KCNB2: variants seen among roughly 807,000 people sequenced by gnomAD.
The protein encoded by KCNB2 is potassium voltage-gated channel subfamily B member 2.
Under a neutral mutation model 61.5 loss-of-function variants are expected in KCNB2, and 15 were observed. The observed-to-expected ratio is 0.24, with a 90% CI of 0.16 to 0.38. The LOEUF is 0.38. Among genes scored for constraint, KCNB2 ranks in the 10% least tolerant of loss-of-function variants. The pLI, the probability that KCNB2 is intolerant of heterozygous loss-of-function variation, is 1.00. For missense variants in KCNB2, 828 were observed against 1,125.2 expected (o/e 0.74, Z 3.78); for synonymous variants, 457 against 446.0 (o/e 1.02, Z -0.31).
chr8:72,774,097 T>C (rs2128997385), intron 2 of KCNB2, among the ~76,000 whole-genome samples: 1 of 152,306 alleles, frequency 6.6e-6, no homozygotes, highest in African/African-American at 2.4e-5. Context: ...TTTGAGATTG[T>C]TACTGTTATT....
At chr8:72,546,807 T>C (rs765751261) in intron 1 of KCNB2, among the ~76,000 whole-genome samples, 25 of 152,242 alleles carry the variant, frequency 1.6e-4, no homozygotes, top group Non-Finnish European at 3.2e-4. Context: ...AATTTTTTTA[T>C]TGAAAATTTC....
chr8:72,752,596 C>A (rs1808210736), intron 2 of KCNB2, among the ~76,000 whole-genome samples: 1 of 152,218 alleles, frequency 6.6e-6, no homozygotes, highest in Admixed American at 6.5e-5. Context: ...TGGAAGTACA[C>A]CACCAGCTTT....
intron 2 of KCNB2, among the ~76,000 whole-genome samples, chr8:72,606,267 A>G (rs928287947): frequency 2.0e-5 from 3 of 152,174 alleles, no homozygotes; most frequent in African/African-American, 7.2e-5. Context: ...AAGCAATTAT[A>G]GAGGAATGAC....
At chr8:72,682,916 A>C (rs1033620769) in intron 2 of KCNB2, among the ~76,000 whole-genome samples, 2 of 152,176 alleles carry the variant, frequency 1.3e-5, no homozygotes, top group Non-Finnish European at 2.9e-5. Flanking sequence ...CTAAGGTTGA[A>C]TTCTAATTGT....
intron 2 of KCNB2, among the ~76,000 whole-genome samples, chr8:72,819,482 AT>A (rs1342121430): frequency 6.6e-6 from 1 of 152,208 alleles, no homozygotes. Context: ...AGCAAGTTGA[AT>A]AATCCTTCTG....
chr8:72,811,637 A>T (rs752881775), intron 2 of KCNB2, among the ~76,000 whole-genome samples: 1 of 152,106 alleles, frequency 6.6e-6, no homozygotes, highest in Non-Finnish European at 1.5e-5. Flanking sequence ...CCAGGTAAAC[A>T]TTTCCTTTTT....
rs1316128764 is a variant in KCNB2 at position 72,938,265 on chromosome 8, A to G, written c.*174A>G. ...GTTTAGCTTAAGTACTGTTTAAATA[A>G]TGAGTCAAGACTGCATTTTGTAACA... On this transcript the variant is annotated 3_prime_UTR_variant, in exon 3 of 3. Coordinates refer to ENST00000523207, the MANE Select transcript of KCNB2 (RefSeq NM_004770.3). 1.7e-6 allele frequency: 1 copy of G among 577,704 alleles called. No homozygotes were observed. Among genetic ancestry groups the G allele is most frequent in the Non-Finnish European group, 3.1e-6 (1 of 327,788 alleles). 35.8% of individuals were successfully genotyped at this position (577,704 alleles called of 1,614,324 possible).
chr8:72,819,243 C>T (rs1563394290), intron 2 of KCNB2, among the ~76,000 whole-genome samples: 1 of 152,220 alleles, frequency 6.6e-6, no homozygotes, highest in East Asian at 1.9e-4. Flanking sequence ...TACAGCACTA[C>T]CCAGTCACTA....
chr8:72,794,264 C>A (rs767077546), intron 2 of KCNB2, among the ~76,000 whole-genome samples: 1 of 151,972 alleles, frequency 6.6e-6, no homozygotes, highest in Non-Finnish European at 1.5e-5. Context: ...ATGACTTCTA[C>A]GGTTAAGGTT....
chr8:72,739,407 T>A (rs886117087), intron 2 of KCNB2, among the ~76,000 whole-genome samples: 3 of 152,108 alleles, frequency 2.0e-5, no homozygotes. Flanking sequence ...AGTTTTTCAA[T>A]ACTTTGTGAA....
intron 2 of KCNB2, among the ~76,000 whole-genome samples, chr8:72,671,131 G>T (rs12678807): frequency 0.12 from 17,704 of 152,086 alleles, 1,504 homozygotes; most frequent in East Asian, 0.51. Context: ...CAGGGATGGA[G>T]GTTGAGTTTT....
intron 2 of KCNB2, among the ~76,000 whole-genome samples, chr8:72,725,533 A>ATATATG (rs1563571854): frequency 7.8e-4 from 18 of 23,130 alleles, no homozygotes; most frequent in African/African-American, 2.6e-3. Context: ...ATATATATAT[A>ATATATG]TATATATGTG....
At chr8:72,787,080 C>G (rs1377465313) in intron 2 of KCNB2, among the ~76,000 whole-genome samples, 2 of 152,158 alleles carry the variant, frequency 1.3e-5, no homozygotes, top group African/African-American at 4.8e-5. Context: ...AATGAGTCTA[C>G]CTTTCCCCTG....
At chr8:72,825,003 T>C (rs1227588330) in intron 2 of KCNB2, among the ~76,000 whole-genome samples, 1 of 152,206 alleles carries the variant, frequency 6.6e-6, no homozygotes, top group Non-Finnish European at 1.5e-5. Context: ...CTCCAGAATT[T>C]TTTTATCTTC....
chr8:72,804,131 C>A (rs1809176465), intron 2 of KCNB2, among the ~76,000 whole-genome samples: 1 of 152,124 alleles, frequency 6.6e-6, no homozygotes, highest in Admixed American at 6.5e-5. Flanking sequence ...AATCAAAGGA[C>A]TGTTAAACAA....
intron 2 of KCNB2, among the ~76,000 whole-genome samples, chr8:72,800,468 A>T (rs191585667): frequency 6.2e-4 from 94 of 152,284 alleles, no homozygotes; most frequent in African/African-American, 1.8e-3. Flanking sequence ...TGATAAAAAG[A>T]TTCCTGAAGT....
intron 1 of KCNB2, among the ~76,000 whole-genome samples, chr8:72,550,721 A>T (rs976997464): frequency 6.6e-6 from 1 of 152,198 alleles, no homozygotes. Flanking sequence ...GACAGTCAGG[A>T]AAAGCCAGTC....
chr8:72,729,590 A>G (rs1807707270), intron 2 of KCNB2, among the ~76,000 whole-genome samples: 2 of 152,224 alleles, frequency 1.3e-5, no homozygotes, highest in Non-Finnish European at 2.9e-5. Flanking sequence ...TCTCCTAAGA[A>G]TATTTGGGTC....
chr8:72,804,044 G>T (rs1374077426), intron 2 of KCNB2, among the ~76,000 whole-genome samples: 1 of 152,196 alleles, frequency 6.6e-6, no homozygotes, highest in Non-Finnish European at 1.5e-5. Flanking sequence ...AGAGGGTCTG[G>T]AAAGGAAGTT....
Sources: gnomAD v4.1 joint callset for allele counts (sites outside exome capture counted in the v4.1 genomes callset) on GRCh38, gnomAD v4.1.1 for gene constraint, MANE v1.5 for transcripts, NCBI Gene and HGNC (gene_info 2026-07-23, HGNC 2026-07-21) for gene names.